ITPR1: variants seen among roughly 807,000 people sequenced by gnomAD.
ITPR1 encodes inositol 1,4,5-trisphosphate-gated calcium channel ITPR1.
Under a neutral mutation model 318.4 loss-of-function variants are expected in ITPR1, and 96 were observed. That is an observed-to-expected ratio of 0.30 (90% CI 0.26 to 0.36). The LOEUF is 0.36. ITPR1 is among the 10% of genes least tolerant of loss of function. The pLI is 1.00. For synonymous variants in ITPR1, 1,312 were observed against 1,289.9 expected (o/e 1.02, Z -0.37); for missense variants, 2,440 against 3,460.2 (o/e 0.71, Z 7.40).
At chr3:4,646,554 A>C (rs919414084) in intron 10 of ITPR1, among the ~76,000 whole-genome samples, 13 of 152,216 alleles carry the variant, frequency 8.5e-5, no homozygotes, top group African/African-American at 3.1e-4. Context: ...TATCCAGGCT[A>C]TAGGGAGTTG....
At chr3:4,727,056 G>C in intron 41 of ITPR1, 70 bp from the exon 42 acceptor site, 2 of 1,191,266 alleles carry the variant, frequency 1.7e-6, no homozygotes, top group South Asian at 2.4e-5. Context: ...TATTTTATAT[G>C]TGACTGATGC....
At chr3:4,620,298 C>T (rs80151375) in intron 4 of ITPR1, among the ~76,000 whole-genome samples, 12 of 152,256 alleles carry the variant, frequency 7.9e-5, no homozygotes, top group African/African-American at 2.9e-4. Context: ...TGCAGAGCCT[C>T]AATGGTCCAT....
chr3:4,566,033 A>G (rs976532949), intron 4 of ITPR1, among the ~76,000 whole-genome samples: 1 of 152,102 alleles, frequency 6.6e-6, no homozygotes, highest in Admixed American at 6.5e-5. Context: ...TTGCTCATTG[A>G]TTTTCCTGGT....
intron 32 of ITPR1, 123 bp downstream of exon 32, chr3:4,691,467 T>G: frequency 1.5e-6 from 1 of 650,584 alleles, no homozygotes; most frequent in East Asian, 2.7e-5. Flanking sequence ...AGAAAGTAAT[T>G]GTGTGTGCAT....
chr3:4,663,794 T>G (rs2093888387), intron 16 of ITPR1, among the ~76,000 whole-genome samples: 1 of 152,250 alleles, frequency 6.6e-6, no homozygotes. Flanking sequence ...AAATCATCTG[T>G]GCTCCTCCTA....
chr3:4,815,561 A>AGAC (rs1362645045), intron 59 of ITPR1, among the ~76,000 whole-genome samples: 1 of 152,166 alleles, frequency 6.6e-6, no homozygotes, highest in Non-Finnish European at 1.5e-5. Context: ...GAATTATGAG[A>AGAC]GACAGCGTAT....
intron 33 of ITPR1, among the ~76,000 whole-genome samples, chr3:4,695,919 T>C (rs2094550551): frequency 6.6e-6 from 1 of 152,224 alleles, no homozygotes; most frequent in Non-Finnish European, 1.5e-5. Context: ...TAGTCAGAAG[T>C]GGAAGTGCTG....
In ITPR1 at chr3:4,566,604, GCACACACA is replaced by G. The variant is rs57756103; in HGVS notation, c.163+45542_163+45549del. 1.0e-3 allele frequency among the ~76,000 whole-genome samples: 144 copies of G among 140,988 alleles called. 1 individual carries two copies. The highest frequency in any genetic ancestry group is 7.0e-3 in the South Asian group (30 of 4,302). 92.5% of individuals were successfully genotyped at this position (140,988 alleles called of 152,430 possible). A position where few individuals can be genotyped will look rare whatever the true frequency, so the allele number is the denominator to read the frequency against. On this transcript the variant is annotated intron_variant, in intron 4 of 61. Coordinates refer to ENST00000649015, the MANE Select transcript of ITPR1 (RefSeq NM_001378452.1). ...CCAGGAAGCCTGAATGGGGACACATGCACACACACACACACACACACACACACACACAC... is the reference window on the plus strand; with the variant it reads ...CCAGGAAGCCTGAATGGGGACACATGCACACACACACACACACACACACAC...
chr3:4,693,390 A>T lies in ITPR1; in HGVS notation c.4030-100A>T. ...TAGGTAAGACTGATTTGGGAAGATAAATGCTAACAGAACCTCTCTCTTCCT... is the reference window on the plus strand; with the variant it reads ...TAGGTAAGACTGATTTGGGAAGATATATGCTAACAGAACCTCTCTCTTCCT... On this transcript the variant is annotated intron_variant, in intron 32 of 61. Coordinates refer to ENST00000649015, the MANE Select transcript of ITPR1 (RefSeq NM_001378452.1). The T allele has an allele frequency of 3.8e-6, 5 of 1,308,524 alleles. No homozygotes were observed. In the South Asian group the frequency reaches 6.8e-5, roughly 18 times the overall value. The allele number at this position is 1,308,524 out of a possible 1,614,324, so 81.1% of individuals were successfully genotyped here.
Position 4,826,287 on chromosome 3 carries a change from C to T in ITPR1, c.8028+8045C>T, listed in dbSNP as rs2050071093. ...ATATTTCAACATTGGTAGTGCTGAG[C>T]AGCAGCTTTCCTTGTGGCCTAACCT... On this transcript the variant is annotated intron_variant, in intron 60 of 61. Coordinates refer to ENST00000649015, the MANE Select transcript of ITPR1 (RefSeq NM_001378452.1). The surrounding 1 kb of genome is among the most constrained non-coding windows in gnomAD (Gnocchi z 4.2). 6.6e-6 allele frequency among the ~76,000 whole-genome samples: 1 copy of T among 152,202 alleles called. No individual in the cohort carries two copies. Among genetic ancestry groups the T allele is most frequent in the Non-Finnish European group, 1.5e-5 (1 of 68,038 alleles).
chr3:4,541,686 C>T (rs944465088), intron 4 of ITPR1, among the ~76,000 whole-genome samples: 3 of 151,680 alleles, frequency 2.0e-5, no homozygotes, highest in South Asian at 2.1e-4. Flanking sequence ...AGTGCAGTGG[C>T]GTGATCTCGG....
chr3:4,570,649 C>T (rs1020831718), intron 4 of ITPR1, among the ~76,000 whole-genome samples: 3 of 152,186 alleles, frequency 2.0e-5, no homozygotes, highest in African/African-American at 7.2e-5. Context: ...TCTACAGTAG[C>T]TGTGGATAGA....
chr3:4,831,645 A>G (rs955342638), intron 60 of ITPR1, among the ~76,000 whole-genome samples: 1 of 152,240 alleles, frequency 6.6e-6, no homozygotes, highest in Non-Finnish European at 1.5e-5. Context: ...CCAAAAATCC[A>G]TTAGAAGCCA....
chr3:4,717,792 G>A (rs909597047), intron 40 of ITPR1, among the ~76,000 whole-genome samples: 1 of 152,204 alleles, frequency 6.6e-6, no homozygotes, highest in Non-Finnish European at 1.5e-5. Flanking sequence ...AACAGCATTG[G>A]TATAATTTGA....
chr3:4,752,174 A>G (rs2044581771), intron 44 of ITPR1, among the ~76,000 whole-genome samples: 1 of 152,150 alleles, frequency 6.6e-6, no homozygotes, highest in African/African-American at 2.4e-5. Flanking sequence ...TTCGAGGAGG[A>G]TGTGTTGCAG....
intron 24 of ITPR1, among the ~76,000 whole-genome samples, chr3:4,678,957 C>G (rs1368457415): frequency 1.3e-5 from 2 of 152,124 alleles, no homozygotes; most frequent in Non-Finnish European, 2.9e-5. Context: ...TCTGTTGAGC[C>G]TTTGAAAGTC....
intron 60 of ITPR1, among the ~76,000 whole-genome samples, chr3:4,823,481 G>A (rs1305000965): frequency 6.6e-6 from 1 of 152,080 alleles, no homozygotes; most frequent in Non-Finnish European, 1.5e-5. Context: ...CCATAAAAAA[G>A]GAATGAAATC....
intron 13 of ITPR1, among the ~76,000 whole-genome samples, chr3:4,659,127 T>C (rs2125186317): frequency 6.6e-6 from 1 of 152,304 alleles, no homozygotes; most frequent in South Asian, 2.1e-4. Flanking sequence ...AATACCATGT[T>C]GGTTAATGGA....
Position 4,649,126 on chromosome 3 carries a change from G to A in ITPR1, c.856-2997G>A, listed in dbSNP as rs148749304. ...GAGACTTTCTCATCTTTCAGAGTTAGTTTAAAGTAATAATGCAAACTAAGG... is the reference window on the plus strand; with the variant it reads ...GAGACTTTCTCATCTTTCAGAGTTAATTTAAAGTAATAATGCAAACTAAGG... On this transcript the variant is annotated intron_variant, in intron 10 of 61. Transcript: ENST00000649015. 8.9e-4 allele frequency among the ~76,000 whole-genome samples: 136 copies of A among 152,280 alleles called. 1 individual carries two copies. Among genetic ancestry groups the A allele is most frequent in the African/African-American group, 3.1e-3 (128 of 41,548 alleles).
Sources: allele counts gnomAD v4.1 joint callset (sites outside exome capture counted in the v4.1 genomes callset), GRCh38; gene constraint gnomAD v4.1.1; non-coding constraint Gnocchi (gnomAD v3.1); transcripts MANE v1.5; gene names NCBI Gene and HGNC (gene_info 2026-07-23, HGNC 2026-07-21).